The following GSAP variants were observed in gnomAD, a reference collection of about 807,000 sequenced individuals.
The protein encoded by GSAP is gamma-secretase-activating protein.
In GSAP, 118 loss-of-function variants were observed where a neutral mutation model predicts 131.7. That is an observed-to-expected ratio of 0.90 (90% confidence interval 0.77 to 1.04). GSAP has a LOEUF of 1.04. GSAP is among the 50% of genes least tolerant of loss of function. The pLI, the probability that GSAP is intolerant of heterozygous loss-of-function variation, is 0.00. For missense variants in GSAP, 1,019 were observed against 1,013.2 expected (o/e 1.01, Z -0.08); for synonymous variants, 381 against 363.4 (o/e 1.05, Z -0.55).
At chr7:77,399,905 T>C (rs925506829) in intron 3 of GSAP, among the ~76,000 whole-genome samples, 1 of 152,142 alleles carries the variant, frequency 6.6e-6, no homozygotes, top group East Asian at 1.9e-4. Flanking sequence ...TTGTGTCATA[T>C]AGCCTAGACT....
At chr7:77,314,685 G>A (rs1383118132) in intron 26 of GSAP, 196 bp from the exon 27 acceptor site, 3 of 526,914 alleles carry the variant, frequency 5.7e-6, no homozygotes, top group Non-Finnish European at 1.0e-5. Flanking sequence ...TCTATAGTAA[G>A]TTTCCGGTAA....
chr7:77,398,681 T>C (rs1314579158), intron 3 of GSAP, among the ~76,000 whole-genome samples: 1 of 152,062 alleles, frequency 6.6e-6, no homozygotes, highest in Non-Finnish European at 1.5e-5. Context: ...GATAGGAGGA[T>C]TACTTGAGCC....
chr7:77,416,323 GC>G lies in GSAP; in HGVS notation c.-3del. The G allele has an allele frequency of 6.7e-7, 1 of 1,483,440 alleles. No homozygotes were observed. The highest frequency in any genetic ancestry group is 9.0e-7 in the Non-Finnish European group (1 of 1,116,304). 91.9% of individuals were successfully genotyped at this position (1,483,440 alleles called of 1,614,324 possible). The stretch of plus-strand genomic sequence containing the variant: ...GTCGGCGACCAGGCGAAGAGCCATC[GC>G]CCGGACACGACCACCGGGCGGCTCT... On this transcript the variant is annotated 5_prime_UTR_variant, in exon 1 of 31. Transcript: ENST00000257626.
chr7:77,330,577 T>C, intron 19 of GSAP: 7 of 991,972 alleles, frequency 7.1e-6, no homozygotes, highest in Admixed American at 5.5e-5. Context: ...CTGTCTCTTT[T>C]TTTTTTTTTT....
chr7:77,409,128 C>G (rs780945823), intron 1 of GSAP, among the ~76,000 whole-genome samples: 2 of 152,160 alleles, frequency 1.3e-5, no homozygotes, highest in Non-Finnish European at 2.9e-5. Context: ...GTCAGACTCA[C>G]TTCACACTGA....
intron 6 of GSAP, among the ~76,000 whole-genome samples, chr7:77,383,460 C>G (rs989556198): frequency 6.6e-6 from 1 of 152,104 alleles, no homozygotes; most frequent in Non-Finnish European, 1.5e-5. Flanking sequence ...CACAACATAA[C>G]CAGAATTTGT....
chr7:77,393,405 T>C (rs1583824132), intron 5 of GSAP, among the ~76,000 whole-genome samples: 1 of 152,118 alleles, frequency 6.6e-6, no homozygotes, highest in Non-Finnish European at 1.5e-5. Context: ...AATGTGCCTC[T>C]CCAGCCGTGA....
intron 3 of GSAP, among the ~76,000 whole-genome samples, chr7:77,398,430 G>T (rs1442586638): frequency 1.3e-5 from 2 of 152,082 alleles, no homozygotes; most frequent in African/African-American, 2.4e-5. Flanking sequence ...TTACTAAGAA[G>T]AATCTAATTC....
intron 19 of GSAP, among the ~76,000 whole-genome samples, chr7:77,342,710 G>T (rs1791173213): frequency 6.6e-6 from 1 of 152,042 alleles, no homozygotes. Flanking sequence ...ACTTTAAAAG[G>T]ATTAAAGCCT....
At chr7:77,340,648 C>T (rs1327705404) in intron 19 of GSAP, among the ~76,000 whole-genome samples, 1 of 152,208 alleles carries the variant, frequency 6.6e-6, no homozygotes, top group Non-Finnish European at 1.5e-5. Flanking sequence ...AAAACTCCGG[C>T]GCCAGTCACA....
chr7:77,373,241 T>C (rs1796398669), intron 12 of GSAP, among the ~76,000 whole-genome samples: 1 of 152,238 alleles, frequency 6.6e-6, no homozygotes, highest in Non-Finnish European at 1.5e-5. Context: ...GTCTAAAATC[T>C]GTGCCAAATA....
intron 19 of GSAP, among the ~76,000 whole-genome samples, chr7:77,331,128 C>T (rs1046928265): frequency 4.0e-5 from 6 of 151,806 alleles, no homozygotes; most frequent in South Asian, 2.1e-4. Flanking sequence ...GGTGAAACCC[C>T]GTCTCTACCA....
At chr7:77,365,172 T>G (rs1795103143) in intron 12 of GSAP, among the ~76,000 whole-genome samples, 1 of 151,910 alleles carries the variant, frequency 6.6e-6, no homozygotes, top group African/African-American at 2.4e-5. Flanking sequence ...GGTCTTGAAC[T>G]CCCTGGGCTC....
chr7:77,320,039 C>T (rs1216162137), intron 26 of GSAP, among the ~76,000 whole-genome samples: 1 of 151,562 alleles, frequency 6.6e-6, no homozygotes, highest in Non-Finnish European at 1.5e-5. Context: ...TGTTCTTACA[C>T]AATAAAAAAA....
intron 5 of GSAP, among the ~76,000 whole-genome samples, chr7:77,396,466 C>T (rs185989815): frequency 1.3e-5 from 2 of 152,198 alleles, no homozygotes; most frequent in East Asian, 3.9e-4. Flanking sequence ...AGCAGGCACT[C>T]AATACTGTTG....
chr7:77,395,619 T>G (rs369043227), intron 5 of GSAP, among the ~76,000 whole-genome samples: 1 of 152,080 alleles, frequency 6.6e-6, no homozygotes, highest in Non-Finnish European at 1.5e-5. Context: ...ATACAAATGA[T>G]GAGATTTCAG....
At chr7:77,394,347 A>C (rs1189784907) in intron 5 of GSAP, among the ~76,000 whole-genome samples, 1 of 152,102 alleles carries the variant, frequency 6.6e-6, no homozygotes, top group African/African-American at 2.4e-5. Context: ...GAGTCTACCA[A>C]GTATAGTCCT....
chr7:77,351,014 A>C, intron 18 of GSAP: 2 of 524,432 alleles, frequency 3.8e-6, no homozygotes, highest in Non-Finnish European at 4.9e-6. Flanking sequence ...AAAATATTTT[A>C]GGAGATGTAA....
chr7:77,384,983 T>G (rs573161222), intron 6 of GSAP, among the ~76,000 whole-genome samples: 1 of 151,494 alleles, frequency 6.6e-6, no homozygotes, highest in Non-Finnish European at 1.5e-5. Context: ...TTATTTGGGT[T>G]GGGACTTTTC....
Sources: allele counts gnomAD v4.1 joint callset (sites outside exome capture counted in the v4.1 genomes callset), GRCh38; gene constraint gnomAD v4.1.1; transcripts MANE v1.5; gene names NCBI Gene and HGNC (gene_info 2026-07-23, HGNC 2026-07-21).